Variants in ZNF236 observed in about 807,000 individuals in gnomAD.
ZNF236 encodes the protein regulated by glucose.
In ZNF236, 50 loss-of-function variants were observed where a neutral mutation model predicts 191.2. That is an observed-to-expected ratio of 0.26 (90% CI 0.21 to 0.33). The LOEUF is 0.33. Ranked by LOEUF, ZNF236 falls within the 10% of genes least tolerant of loss-of-function variation. The pLI is 1.00. For missense variants in ZNF236, 1,754 were observed against 2,374.5 expected, an observed-to-expected ratio of 0.74 and a Z score of 5.43; for synonymous variants, 907 against 928.8, an observed-to-expected ratio of 0.98 and a Z score of 0.43.
intron 3 of ZNF236, among the ~76,000 whole-genome samples, chr18:76,865,494 C>G (rs1369791915): frequency 2.0e-5 from 3 of 152,186 alleles, no homozygotes; most frequent in Non-Finnish European, 4.4e-5. Flanking sequence ...GCTTTTTAAA[C>G]TATTCACCAC....
chr18:76,849,508 A>T lies in ZNF236; in HGVS notation c.56-18A>T. 6.3e-7 allele frequency: 1 copy of T among 1,595,256 alleles called. No individual in the cohort carries two copies. Among genetic ancestry groups the T allele is most frequent in the South Asian group, 1.1e-5 (1 of 87,320 alleles). On this transcript the variant is annotated intron_variant, in intron 1 of 30. Transcript: ENST00000320610. The stretch of plus-strand genomic sequence containing the variant: ...ATAACAACTGGTATTTATTGTCTAT[A>T]CTTATGCAATTTTATAGATGGAGTT...
At chr18:76,950,455 A>G (rs1456674280) in intron 27 of ZNF236, among the ~76,000 whole-genome samples, 1 of 151,996 alleles carries the variant, frequency 6.6e-6, no homozygotes, top group Non-Finnish European at 1.5e-5. Context: ...TTAGATCCCT[A>G]TCTGCTCAGT....
chr18:76,871,490 A>T (rs781715279), intron 4 of ZNF236, among the ~76,000 whole-genome samples: 5 of 152,094 alleles, frequency 3.3e-5, no homozygotes, highest in African/African-American at 4.8e-5. Context: ...GAAAAAACAA[A>T]TTTTTTTTCA....
chr18:76,954,464 A>G (rs1166778051), intron 27 of ZNF236, among the ~76,000 whole-genome samples: 2 of 152,220 alleles, frequency 1.3e-5, no homozygotes, highest in Non-Finnish European at 2.9e-5. Context: ...CAGTTACACA[A>G]CCAGCCTTTA....
At chr18:76,827,259 C>T (rs1356604201) in intron 1 of ZNF236, among the ~76,000 whole-genome samples, 2 of 152,092 alleles carry the variant, frequency 1.3e-5, no homozygotes, top group African/African-American at 4.8e-5. Context: ...GATCTCGGCT[C>T]ACTGCAACCT....
chr18:76,827,048 C>T (rs1975039070), intron 1 of ZNF236, among the ~76,000 whole-genome samples: 1 of 151,922 alleles, frequency 6.6e-6, no homozygotes, highest in African/African-American at 2.4e-5. Flanking sequence ...AGGCATGCGC[C>T]ACTATGCCCA....
chr18:76,861,871 CTTTTCT>C (rs1976240758), intron 3 of ZNF236, among the ~76,000 whole-genome samples: 1 of 152,032 alleles, frequency 6.6e-6, no homozygotes, highest in South Asian at 2.1e-4. Flanking sequence ...TTTCTTTTTT[CTTTTCT>C]TTTTGAGACA....
chr18:76,861,659 G>A (rs1415211024), intron 3 of ZNF236, among the ~76,000 whole-genome samples: 1 of 152,160 alleles, frequency 6.6e-6, no homozygotes, highest in African/African-American at 2.4e-5. Context: ...TAACTAGAGG[G>A]ATAATTTCTT....
At chr18:76,829,331 GTTTTT>G (rs11316393) in intron 1 of ZNF236, among the ~76,000 whole-genome samples, 1 of 138,384 alleles carries the variant, frequency 7.2e-6, no homozygotes, top group Non-Finnish European at 1.6e-5. Context: ...CCTGGGGGAG[GTTTTT>G]TTTTTTTTTT....
rs753336823 is a variant in ZNF236, at chr18:76,899,104, A to G, written c.1776A>G (p.Lys592=). The G allele has an allele frequency of 6.2e-7, 1 of 1,614,072 alleles. No homozygotes were observed. The highest frequency in any genetic ancestry group is 8.5e-7 in the Non-Finnish European group (1 of 1,180,020). ...AGACTCACATTGCTTCCCACTTTAA[A>G]CATACGGAATTAAGGAAAATGAGGC... The part of the protein sequence containing the change: ...HRKTHIASHF[K]HTELRKMRHQ... Residue 592 remains lysine, a synonymous_variant, in exon 11 of 31, where the codon AAA becomes AAG. Coordinates refer to ENST00000320610, the MANE Select transcript of ZNF236 (RefSeq NM_001306089.2).
At chr18:76,853,946 G>A (rs912003403) in intron 3 of ZNF236, among the ~76,000 whole-genome samples, 1 of 151,720 alleles carries the variant, frequency 6.6e-6, no homozygotes, top group Non-Finnish European at 1.5e-5. Flanking sequence ...GGAGGTGGAG[G>A]TTGCAATGAG....
In ZNF236 at chr18:76,899,176, A is replaced by T; in HGVS notation, c.1848A>T (p.Pro616=). 1.2e-6 allele frequency: 2 copies of T among 1,614,180 alleles called. No individual in the cohort carries two copies. The highest frequency in any genetic ancestry group is 1.7e-6 in the Non-Finnish European group (2 of 1,180,012). The change falls in exon 11 of 31, where the codon CCA becomes CCT. Residue 616 remains proline, a synonymous_variant. Transcript: ENST00000320610. The part of the protein sequence containing the change: ...AKVRVGKTNI[P]VPDIPLQEPI... ...TCCGTGTTGGCAAGACGAATATTCC[A>T]GTCCCTGATATTCCTTTGCAGGAAC... is the stretch of plus-strand genomic sequence containing the variant.
At chr18:76,897,990 A>G (rs1258068351) in intron 10 of ZNF236, 3 of 152,234 alleles carry the variant, frequency 2.0e-5, no homozygotes, top group African/African-American at 7.2e-5. Context: ...CATTAAAAAC[A>G]AGTAACACTT....
intron 25 of ZNF236, among the ~76,000 whole-genome samples, chr18:76,934,579 T>C (rs1049833740): frequency 6.6e-6 from 1 of 152,248 alleles, no homozygotes; most frequent in Non-Finnish European, 1.5e-5. Context: ...ATTTGTAGGG[T>C]TATTCTAGCC....
intron 1 of ZNF236, among the ~76,000 whole-genome samples, chr18:76,827,388 C>T (rs1314867442): frequency 6.6e-6 from 1 of 151,424 alleles, no homozygotes; most frequent in Admixed American, 6.6e-5. Flanking sequence ...GGGTTTCACC[C>T]TGTTAGCTAG....
intron 30 of ZNF236, among the ~76,000 whole-genome samples, chr18:76,964,163 G>C (rs1022320022): frequency 1.3e-5 from 2 of 152,244 alleles, no homozygotes. Flanking sequence ...TAGATTGTCT[G>C]TGTGTGCTCT....
intron 26 of ZNF236, among the ~76,000 whole-genome samples, chr18:76,937,544 T>C (rs1241277669): frequency 6.6e-6 from 1 of 151,936 alleles, no homozygotes; most frequent in Non-Finnish European, 1.5e-5. Context: ...AAAAATAAGG[T>C]AAAACATAAA....
In ZNF236 at chr18:76,927,941, A is replaced by C. The variant is rs1258062169; in HGVS notation, c.4429A>C (p.Thr1477Pro). 1 of 1,601,902 alleles carries C rather than the reference A, an allele frequency of 6.2e-7. No homozygotes were observed. Among genetic ancestry groups the C allele is most frequent in the South Asian group, 1.1e-5 (1 of 89,182 alleles). ...ATGACAATCAGGGACCCAAGACCTC[A>C]CTCAAGTGATGACTTCGCAAGGTCT... ...TTNSSGTQDL[T>P]QVMTSQGLVS... The change falls in exon 25 of 31, where the codon ACT (threonine) becomes CCT (proline). Residue 1477 changes from threonine to proline, a missense_variant. This residue lies in a region of ZNF236 where 606 missense variants were observed against 761.5 expected (regional missense o/e 0.80). Coordinates refer to ENST00000320610, the MANE Select transcript of ZNF236 (RefSeq NM_001306089.2). The surrounding 1 kb of genome is among the most constrained non-coding windows in gnomAD (Gnocchi z 5.4).
intron 5 of ZNF236, among the ~76,000 whole-genome samples, chr18:76,874,488 C>T (rs577418367): frequency 6.6e-6 from 1 of 151,942 alleles, no homozygotes; most frequent in Admixed American, 6.6e-5. Context: ...GCTGAAGAGC[C>T]GCAGCGCACA....
Sources: allele counts gnomAD v4.1 joint callset (sites outside exome capture counted in the v4.1 genomes callset), GRCh38; gene constraint gnomAD v4.1.1; regional missense constraint gnomAD v4.1.1; non-coding constraint Gnocchi (gnomAD v3.1); transcripts MANE v1.5; gene names NCBI Gene and HGNC (gene_info 2026-07-23, HGNC 2026-07-21).